Variants in ZPBP observed in about 807,000 individuals in gnomAD.
ZPBP encodes zona pellucida binding protein, also known as zona pellucida-binding protein 1.
Under a neutral mutation model 44.8 loss-of-function variants are expected in ZPBP, and 26 were observed. The observed-to-expected ratio is 0.58, with a 90% confidence interval of 0.43 to 0.81. The LOEUF is 0.81. Ranked by LOEUF, ZPBP falls within the 30% of genes least tolerant of loss-of-function variation. The probability of loss-of-function intolerance (pLI) is 0.00; values close to 1 mark genes in which losing one functional copy is unlikely to be tolerated. For missense variants in ZPBP, 409 were observed against 434.0 expected (o/e 0.94, Z 0.51); for synonymous variants, 174 against 153.2 (o/e 1.14, Z -1.00).
chr7:49,929,022 C>A (rs1224649061), intron 1 of ZPBP, among the ~76,000 whole-genome samples: 1 of 152,194 alleles, frequency 6.6e-6, no homozygotes, highest in African/African-American at 2.4e-5. Context: ...ATTTTCCAAG[C>A]AGAGAGCACC....
At chr7:50,075,723 C>G (rs113465721) in intron 3 of ZPBP, among the ~76,000 whole-genome samples, 6 of 151,940 alleles carry the variant, frequency 3.9e-5, no homozygotes, top group African/African-American at 1.2e-4. Context: ...AAAAGCTGAA[C>G]AGACCAATAA....
chr7:49,901,095 A>G (rs1262016476), intron 2 of ZPBP: 2 of 151,958 alleles, frequency 1.3e-5, no homozygotes, highest in Non-Finnish European at 2.9e-5. Flanking sequence ...CTATTTACAA[A>G]AAACCTACAA....
intron 3 of ZPBP, among the ~76,000 whole-genome samples, chr7:50,063,778 A>C (rs969306489): frequency 1.3e-5 from 2 of 152,248 alleles, no homozygotes; most frequent in African/African-American, 2.4e-5. Context: ...GCTAAGAGGT[A>C]ATCTAAAGCT....
At chr7:50,050,801 A>C (rs563242829) in intron 4 of ZPBP, among the ~76,000 whole-genome samples, 76 of 150,358 alleles carry the variant, frequency 5.1e-4, no homozygotes, top group South Asian at 2.3e-3. Context: ...AAAAAAAAAA[A>C]AAAAAAAAAA....
At chr7:50,012,351 A>C in intron 6 of ZPBP, among the ~76,000 whole-genome samples, 1 of 152,098 alleles carries the variant, frequency 6.6e-6, no homozygotes, top group East Asian at 1.9e-4. Flanking sequence ...CAACTAGTGC[A>C]TTCTATCAAA....
At chr7:49,853,888 C>T (rs1399503969) in intron 2 of ZPBP, among the ~76,000 whole-genome samples, 8 of 141,736 alleles carry the variant, frequency 5.6e-5, no homozygotes, top group Middle Eastern at 3.4e-3. Flanking sequence ...CAACAGGCCC[C>T]GGTGTGTGAT....
intron 7 of ZPBP, among the ~76,000 whole-genome samples, chr7:49,969,900 C>T (rs1344358023): frequency 6.6e-6 from 1 of 151,998 alleles, no homozygotes; most frequent in Non-Finnish European, 1.5e-5. Flanking sequence ...CTCTCTGTCA[C>T]CCAGGCTGGA....
chr7:49,937,969 T>C (rs752339834), intron 7 of ZPBP, among the ~76,000 whole-genome samples: 11 of 152,120 alleles, frequency 7.2e-5, no homozygotes, highest in Non-Finnish European at 1.6e-4. Flanking sequence ...CAGTTGACAA[T>C]AGGGTTGGTA....
intron 2 of ZPBP, among the ~76,000 whole-genome samples, chr7:49,879,779 T>C (rs2128726634): frequency 6.6e-6 from 1 of 152,310 alleles, no homozygotes; most frequent in East Asian, 1.9e-4. Flanking sequence ...TCTTGGCTAA[T>C]TTTATTCTTA....
intron 2 of ZPBP, among the ~76,000 whole-genome samples, chr7:49,898,584 A>G (rs544421671): frequency 5.4e-4 from 82 of 152,218 alleles, no homozygotes; most frequent in Non-Finnish European, 1.0e-3. Context: ...GTATATACAC[A>G]CACACATATC....
intron 4 of ZPBP, among the ~76,000 whole-genome samples, chr7:50,051,886 G>C (rs1325035028): frequency 1.3e-5 from 2 of 151,924 alleles, no homozygotes; most frequent in African/African-American, 4.8e-5. Flanking sequence ...GGCTGATAGG[G>C]ATAGCAAACC....
At chr7:50,045,077 A>G (rs1253524499) in intron 4 of ZPBP, among the ~76,000 whole-genome samples, 1 of 152,244 alleles carries the variant, frequency 6.6e-6, no homozygotes, top group Non-Finnish European at 1.5e-5. Context: ...TATGCAGAAA[A>G]GGTCTTTGAT....
intron 7 of ZPBP, among the ~76,000 whole-genome samples, chr7:49,955,247 T>C (rs762488386): frequency 1.3e-5 from 2 of 152,138 alleles, no homozygotes; most frequent in African/African-American, 4.8e-5. Context: ...ATCAATGTTC[T>C]ATACTACTCT....
rs1180316894 is a variant in ZPBP at position 50,011,432 on chromosome 7, G to GACT, written c.783+6807_783+6808insAGT. 2.7e-4 allele frequency among the ~76,000 whole-genome samples: 41 copies of GACT among 152,180 alleles called. 1 individual carries two copies. The highest frequency in any genetic ancestry group is 2.1e-3 in the Admixed American group (32 of 15,268). The stretch of plus-strand genomic sequence containing the variant: ...ATCAGTAAAGTGAACAGACAACCAT[G>GACT]TTGCCCACAAAGTCTAAAATATTTA... On this transcript the variant is annotated intron_variant, in intron 6 of 7. Transcript: ENST00000046087.
chr7:50,037,011 A>G (rs907321666), intron 4 of ZPBP, among the ~76,000 whole-genome samples: 2 of 152,070 alleles, frequency 1.3e-5, no homozygotes, highest in African/African-American at 2.4e-5. Context: ...TAAAGAAAAA[A>G]CAAATAACTA....
At chr7:49,856,635 T>C (rs1259882914) in intron 2 of ZPBP, among the ~76,000 whole-genome samples, 1 of 152,144 alleles carries the variant, frequency 6.6e-6, no homozygotes, top group Non-Finnish European at 1.5e-5. Flanking sequence ...GACATAAGTA[T>C]ACCCTCATGT....
chr7:49,943,066 A>G (rs888692180), intron 7 of ZPBP: 1 of 338,836 alleles, frequency 3.0e-6, no homozygotes, highest in East Asian at 8.2e-5. Flanking sequence ...TGACAAAGAA[A>G]GGAATCCAGC....
chr7:49,892,163 G>A (rs1792167057), intron 2 of ZPBP, among the ~76,000 whole-genome samples: 1 of 141,064 alleles, frequency 7.1e-6, no homozygotes. Flanking sequence ...TCCTGCCTCA[G>A]CCTCCCGAGT....
At position 49,904,736 on chromosome 7, in the gene ZPBP, A is replaced by ATT. The variant is rs5884134; in HGVS notation, n.412-3523_412-3522dup. Among the ~76,000 whole-genome samples, 2,159 of 139,000 alleles carry ATT rather than the reference A, an allele frequency of 0.016. 222 individuals carry two copies. The East Asian group carries it at 0.29, about 19-fold the overall frequency. 91.2% of individuals were successfully genotyped at this position (139,000 alleles called of 152,430 possible). On this transcript the variant is annotated intron_variant and non_coding_transcript_variant, in intron 1 of 2. Transcript: ENST00000465922. ...AAAAATAGCAACATAGCATATATTA[A>ATT]TTTTTTTTTTTTTTTTTGAGATGGA...
Sources: gnomAD v4.1 joint callset for allele counts (sites outside exome capture counted in the v4.1 genomes callset) on GRCh38, gnomAD v4.1.1 for gene constraint, MANE v1.5 for transcripts, NCBI Gene and HGNC (gene_info 2026-07-23, HGNC 2026-07-21) for gene names.